ABCA1: variants seen among roughly 807,000 people sequenced by gnomAD.
The protein encoded by ABCA1 is ATP binding cassette subfamily A member 1.
ABCA1 carries 133 observed loss-of-function variants against 262.5 expected under a neutral mutation model. The ratio of observed to expected loss-of-function variants is 0.51; its 90% CI spans 0.44 to 0.59. The LOEUF (loss-of-function observed/expected upper bound fraction) is 0.59. Among genes scored for constraint, ABCA1 ranks in the 20% least tolerant of loss-of-function variants. The probability of loss-of-function intolerance (pLI) is 0.00; values close to 1 mark genes in which losing one functional copy is unlikely to be tolerated. For missense variants in ABCA1, 2,452 were observed against 2,777.5 expected (o/e 0.88, Z 2.63); for synonymous variants, 1,022 against 1,043.5 (o/e 0.98, Z 0.40).
At position 104,796,159 on chromosome 9, in the gene ABCA1, A is replaced by G. The variant is rs769454227; in HGVS notation, c.5276T>C (p.Val1759Ala). Residue 1759 changes from valine (V) to alanine (A), a missense_variant, in exon 39 of 50, where the codon GTG becomes GCG. Val to Ala is a moderately conservative substitution (Grantham distance 64, BLOSUM62 0). Coordinates refer to ENST00000374736, the MANE Select transcript of ABCA1 (RefSeq NM_005502.4). Reference sequence around the variant, plus strand: ...ATAGGCTGTGCTGGGGATCTTGAACACAAAGGAGGCTGGGTACATGAGAGG... The same window carrying G: ...ATAGGCTGTGCTGGGGATCTTGAACGCAAAGGAGGCTGGGTACATGAGAGG... ...ITPLMYPASF[V>A]FKIPSTAYVV... 1 of 1,614,130 alleles carries G rather than the reference A, an allele frequency of 6.2e-7. No individual in the cohort carries two copies. The highest frequency in any genetic ancestry group is 1.7e-5 in the Admixed American group (1 of 60,026).
intron 5 of ABCA1, among the ~76,000 whole-genome samples, chr9:104,881,312 A>G (rs984898250): frequency 6.6e-6 from 1 of 152,224 alleles, no homozygotes; most frequent in African/African-American, 2.4e-5. Flanking sequence ...TCAGAAATGC[A>G]TCACTGTCTT....
intron 49 of ABCA1, among the ~76,000 whole-genome samples, chr9:104,784,874 C>T (rs542092167): frequency 1.1e-3 from 173 of 152,300 alleles, no homozygotes; most frequent in African/African-American, 4.1e-3. Flanking sequence ...GATCTCCTGA[C>T]CTCATGATCT....
In ABCA1 at chr9:104,796,367, T is replaced by G; in HGVS notation, c.5179A>C (p.Lys1727Gln). Residue 1727 changes from lysine to glutamine, a missense_variant, in exon 38 of 50, where the codon AAG becomes CAG. Coordinates refer to ENST00000374736, the MANE Select transcript of ABCA1 (RefSeq NM_005502.4). ...AGATTGGTGGAGGACACATAGGACT[T>G]CTGCTGGAAGCAGATGAAGATGATA... is the stretch of plus-strand genomic sequence containing the variant. ...VIIIFICFQQKSYVSSTNLPV... is the reference protein window; with the variant it reads ...VIIIFICFQQQSYVSSTNLPV... 1 of 1,614,220 alleles carries G rather than the reference T, an allele frequency of 6.2e-7. No homozygotes were observed. The highest frequency in any genetic ancestry group is 8.5e-7 in the Non-Finnish European group (1 of 1,180,036).
chr9:104,909,607 TAC>T (rs59524252), intron 1 of ABCA1, among the ~76,000 whole-genome samples: 11,959 of 133,856 alleles, frequency 0.089, 492 homozygotes, highest in African/African-American at 0.097. Flanking sequence ...GCAAAAGAAA[TAC>T]ACACACACAC....
intron 5 of ABCA1, among the ~76,000 whole-genome samples, chr9:104,864,301 A>C (rs1836884306): frequency 6.6e-6 from 1 of 152,254 alleles, no homozygotes; most frequent in South Asian, 2.1e-4. Context: ...GACCATCCCC[A>C]GGCCACACCC....
rs1202785872 is a variant in ABCA1, at chr9:104,818,659, T to C, written c.3462+4A>G. On this transcript the variant is annotated splice_donor_region_variant and intron_variant, in intron 23 of 49. Transcript: ENST00000374736. ...ACCAGCCCAGCACCAAGACTGCAGCTCACCTTTTTCAGGTATGACACAGTG... is the reference window on the plus strand; with the variant it reads ...ACCAGCCCAGCACCAAGACTGCAGCCCACCTTTTTCAGGTATGACACAGTG... 1 of 1,612,652 alleles carries C rather than the reference T, an allele frequency of 6.2e-7. No individual in the cohort carries two copies. The highest frequency in any genetic ancestry group is 1.7e-5 in the Admixed American group (1 of 60,034).
Position 104,845,519 on chromosome 9 carries a change from G to C in ABCA1, c.771C>G (p.Ala257=), listed in dbSNP as rs1292939194. Residue 257 remains alanine (A), a synonymous_variant, in exon 8 of 50, where the codon GCC becomes GCG. Coordinates refer to ENST00000374736, the MANE Select transcript of ABCA1 (RefSeq NM_005502.4). ...CAAGACTATGCAGCAATGTTTTTGT[G>C]GCTTCAGCCAGCTCCTTGCTCGGGA... ...SPFPSKELAE[A]TKTLLHSLGT... 6.2e-7 allele frequency: 1 copy of C among 1,613,914 alleles called. No homozygotes were observed. The highest frequency in any genetic ancestry group is 1.7e-5 in the Admixed American group (1 of 59,996).
At chr9:104,830,727 C>T (rs2119003454) in intron 14 of ABCA1, among the ~76,000 whole-genome samples, 198 bp downstream of exon 14, 1 of 152,036 alleles carries the variant, frequency 6.6e-6, no homozygotes, top group African/African-American at 2.4e-5. Context: ...AAAGTGGCAA[C>T]CATGGATGAG....
Position 104,816,326 on chromosome 9 carries a change from G to A in ABCA1, c.3555C>T (p.Asn1185=), listed in dbSNP as rs371810744. ...TLTIDVSAIS[N]LIRKHVSEAR... ...CTTCAGACACATGCTTCCTGATGAG[G>A]TTGGAGATAGCAGAGACATCTGCAG... is the stretch of plus-strand genomic sequence containing the variant. Residue 1185 remains asparagine (N), a synonymous_variant, in exon 25 of 50, where the codon AAC becomes AAT. Coordinates refer to ENST00000374736, the MANE Select transcript of ABCA1 (RefSeq NM_005502.4). 1.9e-6 allele frequency: 3 copies of A among 1,613,870 alleles called. No individual in the cohort carries two copies. The highest frequency in any genetic ancestry group is 2.5e-6 in the Non-Finnish European group (3 of 1,180,016).
At chr9:104,862,841 G>C (rs1444243132) in intron 5 of ABCA1, among the ~76,000 whole-genome samples, 8 of 147,044 alleles carry the variant, frequency 5.4e-5, no homozygotes, top group Non-Finnish European at 1.1e-4. Flanking sequence ...ACCATGTTTT[G>C]ACAAACACTG....
chr9:104,819,888 G>C, intron 21 of ABCA1, 39 bp downstream of exon 21: 1 of 1,609,932 alleles, frequency 6.2e-7, no homozygotes, highest in East Asian at 2.2e-5. Context: ...AGCCGGAGGA[G>C]GAGGGGAGAG....
chr9:104,927,212 G>GAAA (rs138985328), intron 1 of ABCA1, among the ~76,000 whole-genome samples: 1 of 134,738 alleles, frequency 7.4e-6, no homozygotes, highest in Non-Finnish European at 1.6e-5. Context: ...TTAAAGGAAA[G>GAAA]AAAAAAAAGA....
At chr9:104,826,254 G>T (rs1832802524) in intron 16 of ABCA1, among the ~76,000 whole-genome samples, 1 of 152,210 alleles carries the variant, frequency 6.6e-6, no homozygotes, top group Non-Finnish European at 1.5e-5. Context: ...GATGGCTCAG[G>T]ATCAGAGGTG....
intron 19 of ABCA1, 36 bp from the exon 20 acceptor site, chr9:104,821,542 T>C (rs1188499311): frequency 1.2e-6 from 2 of 1,612,602 alleles, no homozygotes; most frequent in Non-Finnish European, 1.7e-6. Context: ...GAAGTCAGGG[T>C]TGACCTACCC....
At chr9:104,909,383 G>A (rs1042883893) in intron 1 of ABCA1, among the ~76,000 whole-genome samples, 10 of 152,096 alleles carry the variant, frequency 6.6e-5, no homozygotes, top group South Asian at 2.1e-4. Context: ...TAGGATTGAC[G>A]AAGAAAAATA....
At chr9:104,842,052 C>G (rs1372862407) in intron 8 of ABCA1, among the ~76,000 whole-genome samples, 1 of 152,220 alleles carries the variant, frequency 6.6e-6, no homozygotes, top group Non-Finnish European at 1.5e-5. Flanking sequence ...CTCCATATGC[C>G]TAGCTTTCAA....
chr9:104,833,251 A>T (rs1404969971), intron 11 of ABCA1, among the ~76,000 whole-genome samples: 1 of 152,162 alleles, frequency 6.6e-6, no homozygotes. Flanking sequence ...ATGGAATCAC[A>T]GCTCACCGCA....
intron 31 of ABCA1, among the ~76,000 whole-genome samples, chr9:104,805,139 A>C (rs1454756767): frequency 6.6e-6 from 1 of 152,104 alleles, no homozygotes; most frequent in African/African-American, 2.4e-5. Flanking sequence ...CAGTGGCGCA[A>C]TTTTGGCTCC....
rs768858704 is a variant in ABCA1, at chr9:104,819,537, C to T, written c.3241+49G>A. 5.6e-5 allele frequency: 91 copies of T among 1,612,896 alleles called. No individual in the cohort carries two copies. The Admixed American group carries it at 1.2e-3, about 21-fold the overall frequency. On this transcript the variant is annotated intron_variant, in intron 22 of 49. Transcript: ENST00000374736. ...GATACAGCCACACTTCTCAAAAGCC[C>T]CCCGCTCTCTCTCAGTCCATTTACT...
Sources: allele counts gnomAD v4.1 joint callset (sites outside exome capture counted in the v4.1 genomes callset), GRCh38; gene constraint gnomAD v4.1.1; transcripts MANE v1.5; gene names NCBI Gene and HGNC (gene_info 2026-07-23, HGNC 2026-07-21).